Variants in MEGF11 observed in about 807,000 individuals in gnomAD.
MEGF11 encodes multiple epidermal growth factor-like domains protein 11.
A neutral mutation model predicts 146.6 loss-of-function variants in MEGF11; 126 were observed. The ratio of observed to expected loss-of-function variants is 0.86; its 90% CI spans 0.74 to 1.00. The LOEUF (loss-of-function observed/expected upper bound fraction) is 1.00. Ranked by LOEUF, MEGF11 falls within the 50% of genes least tolerant of loss-of-function variation. The pLI is 0.00. For synonymous variants in MEGF11, 532 were observed against 583.4 expected (o/e 0.91, Z 1.27); for missense variants, 1,509 against 1,521.2 (o/e 0.99, Z 0.13).
At position 65,983,146 on chromosome 15, in the gene MEGF11, C is replaced by T. The variant is rs78969793; in HGVS notation, c.395-658G>A. Among the ~76,000 whole-genome samples, 1,309 of 152,248 alleles carry T rather than the reference C, an allele frequency of 8.6e-3. 24 individuals are homozygous for T. The highest frequency in any genetic ancestry group is 0.029 in the African/African-American group (1,191 of 41,532). On this transcript the variant is annotated intron_variant, in intron 5 of 25. Coordinates refer to ENST00000395614, the MANE Select transcript of MEGF11 (RefSeq NM_001385028.1). ...TGCTTCTTCCTTTCAGTAATGCCTA[C>T]GCCCCCTGGTTGCTTCAGCTTCAGT... is the stretch of plus-strand genomic sequence containing the variant.
chr15:65,977,943 A>C (rs1190277190), intron 7 of MEGF11, among the ~76,000 whole-genome samples: 1 of 152,222 alleles, frequency 6.6e-6, no homozygotes, highest in Non-Finnish European at 1.5e-5. Flanking sequence ...CAGAGCCCAG[A>C]AAAAGAGGAG....
intron 5 of MEGF11, among the ~76,000 whole-genome samples, chr15:66,081,567 C>T (rs547296778): frequency 6.8e-4 from 104 of 152,178 alleles, no homozygotes; most frequent in African/African-American, 2.4e-3. Flanking sequence ...TTAGTAGAGA[C>T]GGGGTTTCAC....
chr15:66,012,463 C>T (rs1439838476), intron 5 of MEGF11, among the ~76,000 whole-genome samples: 1 of 152,174 alleles, frequency 6.6e-6, no homozygotes, highest in Non-Finnish European at 1.5e-5. Flanking sequence ...TGTCTTCAAG[C>T]GCCTGCCCAT....
intron 16 of MEGF11, 146 bp downstream of exon 16, chr15:65,917,820 A>G (rs2079050841): frequency 1.2e-6 from 1 of 846,396 alleles, no homozygotes; most frequent in Non-Finnish European, 1.9e-6. Flanking sequence ...TGTTAGCTAT[A>G]GAGCTAAATG....
chr15:66,175,318 C>A (rs1353607000), intron 1 of MEGF11, among the ~76,000 whole-genome samples: 8 of 152,082 alleles, frequency 5.3e-5, no homozygotes, highest in Admixed American at 5.2e-4. Flanking sequence ...ATAGAAAAAA[C>A]AACCCGAAAA....
Position 65,910,083 on chromosome 15 carries a change from G to A in MEGF11, c.2830-277C>T. On this transcript the variant is annotated intron_variant, in intron 21 of 25. Coordinates refer to ENST00000395614, the MANE Select transcript of MEGF11 (RefSeq NM_001385028.1). ...AGCTTGAGCCAAGCTGGCCCTGACA[G>A]AGGAAGCAGATTAGCTGGGGGGTGG... 4 of 600,172 alleles carry A rather than the reference G, an allele frequency of 6.7e-6. No individual in the cohort carries two copies. The Admixed American group carries it at 8.6e-5, about 13-fold the overall frequency. The allele number at this position is 600,172 out of a possible 1,614,324, so 37.2% of individuals were successfully genotyped here. A position where few individuals can be genotyped will look rare whatever the true frequency, so the allele number is the denominator to read the frequency against.
intron 12 of MEGF11, among the ~76,000 whole-genome samples, chr15:65,928,945 G>A (rs768308360): frequency 2.6e-5 from 4 of 152,112 alleles, no homozygotes; most frequent in Admixed American, 1.3e-4. Context: ...CTTTGTTGCC[G>A]GGGAAGAAGG....
At position 65,982,083 on chromosome 15, in the gene MEGF11, CA is replaced by C. The variant is rs1286989566; in HGVS notation, c.641+158del. Among the ~76,000 whole-genome samples, 1 of 152,170 alleles carries C rather than the reference CA, an allele frequency of 6.6e-6. No homozygotes were observed. Among genetic ancestry groups the C allele is most frequent in the Non-Finnish European group, 1.5e-5 (1 of 68,022 alleles). ...TCCCTCCTGGTCCCACCACCCAGCC[CA>C]CCCACAAGGAGCCCAGGGCTGGGCG... On this transcript the variant is annotated intron_variant, in intron 6 of 25. Coordinates refer to ENST00000395614, the MANE Select transcript of MEGF11 (RefSeq NM_001385028.1). The surrounding 1 kb of genome is among the most constrained non-coding windows in gnomAD (Gnocchi z 5.6).
intron 24 of MEGF11, chr15:65,902,005 T>C (rs2078506987): frequency 6.6e-6 from 1 of 152,182 alleles, no homozygotes; most frequent in Non-Finnish European, 1.5e-5. Flanking sequence ...CCAGGGCTCC[T>C]GTCCATATCT....
chr15:66,014,554 G>A (rs542945925), intron 5 of MEGF11, among the ~76,000 whole-genome samples: 1 of 152,294 alleles, frequency 6.6e-6, no homozygotes, highest in Non-Finnish European at 1.5e-5. Context: ...CTGGGAGGCA[G>A]AGTGATAGGC....
At chr15:66,049,097 C>G (rs1347865047) in intron 5 of MEGF11, among the ~76,000 whole-genome samples, 1 of 152,148 alleles carries the variant, frequency 6.6e-6, no homozygotes, top group Non-Finnish European at 1.5e-5. Context: ...CATCCCTCAG[C>G]CCCGCAAAGT....
At chr15:66,159,466 A>T (rs547161359) in intron 1 of MEGF11, among the ~76,000 whole-genome samples, 1 of 152,312 alleles carries the variant, frequency 6.6e-6, no homozygotes, top group East Asian at 1.9e-4. Context: ...CCAACGTTTT[A>T]TACATTGGAG....
chr15:65,988,002 C>T lies in MEGF11; in HGVS notation c.395-5514G>A, dbSNP rs558474555. On this transcript the variant is annotated intron_variant, in intron 5 of 25. Transcript: ENST00000395614. Reference sequence around the variant, plus strand: ...GGGATTACAGGCATGAGCCACAGTACCCGGTCTTTTTTTTTTTTTTTTTTT... The same window carrying T: ...GGGATTACAGGCATGAGCCACAGTATCCGGTCTTTTTTTTTTTTTTTTTTT... Among the ~76,000 whole-genome samples the T allele has an allele frequency of 5.5e-4, 76 of 137,326 alleles. 2 individuals are homozygous for T. In the South Asian group the frequency reaches 0.017, roughly 31 times the overall value. 90.1% of individuals were successfully genotyped at this position (137,326 alleles called of 152,430 possible).
chr15:66,210,569 G>C (rs1044097852), intron 1 of MEGF11, among the ~76,000 whole-genome samples: 3 of 152,200 alleles, frequency 2.0e-5, no homozygotes, highest in African/African-American at 7.2e-5. Flanking sequence ...TGAAAGCTCG[G>C]CTGTATGAAG....
intron 5 of MEGF11, among the ~76,000 whole-genome samples, chr15:66,043,820 G>A (rs1429477957): frequency 1.3e-5 from 2 of 152,354 alleles, no homozygotes; most frequent in Middle Eastern, 3.4e-3. Context: ...GCCCCAGAGC[G>A]GGAAGGATGA....
intron 10 of MEGF11, 43 bp downstream of exon 10, chr15:65,957,491 AGGGGAACTGGCCC>A: frequency 6.5e-7 from 1 of 1,535,212 alleles, no homozygotes; most frequent in Non-Finnish European, 8.9e-7. Flanking sequence ...CCAGGAGGTG[AGGGGAACTGGCCC>A]GGTGGAGGTC....
At position 65,930,561 on chromosome 15, in the gene MEGF11, G is replaced by A. The variant is rs149400685; in HGVS notation, c.1408+262C>T. On this transcript the variant is annotated intron_variant, in intron 11 of 25. Transcript: ENST00000395614. ...AGTGATAGCAGCTTCTCCCACAGGT[G>A]TTAACGTGTCTCGGTTGCACACTTT... Among the ~76,000 whole-genome samples, 729 of 152,324 alleles carry A rather than the reference G, an allele frequency of 4.8e-3. 16 individuals are homozygous for A. The highest frequency in any genetic ancestry group is 0.036 in the Admixed American group (550 of 15,304).
intron 1 of MEGF11, among the ~76,000 whole-genome samples, chr15:66,177,280 C>A (rs1393204100): frequency 6.6e-6 from 1 of 152,172 alleles, no homozygotes; most frequent in Non-Finnish European, 1.5e-5. Flanking sequence ...GGGAACCAGA[C>A]AGCTAAATGG....
At chr15:66,102,235 A>G (rs111318821) in intron 4 of MEGF11, among the ~76,000 whole-genome samples, 620 of 2,590 alleles carry the variant, frequency 0.24, 13 homozygotes, top group East Asian at 0.47. Context: ...TCGAACCACC[A>G]ATGCTGTATC....
Sources: allele counts gnomAD v4.1 joint callset (sites outside exome capture counted in the v4.1 genomes callset), GRCh38; gene constraint gnomAD v4.1.1; non-coding constraint Gnocchi (gnomAD v3.1); transcripts MANE v1.5; gene names NCBI Gene and HGNC (gene_info 2026-07-23, HGNC 2026-07-21).